Variants in SMR3A observed in about 807,000 individuals in gnomAD.
The protein encoded by SMR3A is submaxillary gland androgen-regulated protein 3A.
For missense variants in SMR3A, 188 were observed against 163.0 expected (o/e 1.15, Z -0.84); for synonymous variants, 48 against 57.4 (o/e 0.84, Z 0.74).
In SMR3A at chr4:70,366,879, C is replaced by T. The variant is rs1486028972; in HGVS notation, c.290C>T (p.Pro97Leu). ...ATTCAATCACACTCTCTTCCTCCTCCTTATGGCCCAGGTTATCCACAGCCA... is the reference window on the plus strand; with the variant it reads ...ATTCAATCACACTCTCTTCCTCCTCTTTATGGCCCAGGTTATCCACAGCCA... ...GRIQSHSLPP[P>L]YGPGYPQPPS... Residue 97 changes from proline (P) to leucine (L), a missense_variant, in exon 3 of 3, where the codon CCT (proline) becomes CTT (leucine). Physicochemically the swap from Pro to Leu is moderately conservative, Grantham distance 98 (BLOSUM62 -3). Coordinates refer to ENST00000226460, the MANE Select transcript of SMR3A (RefSeq NM_012390.4). The T allele has an allele frequency of 2.5e-6, 4 of 1,613,676 alleles. No individual in the cohort carries two copies. Among genetic ancestry groups the T allele is most frequent in the Non-Finnish European group, 3.4e-6 (4 of 1,179,806 alleles).
chr4:70,364,595 C>T (rs998761635), intron 2 of SMR3A, among the ~76,000 whole-genome samples: 4 of 151,894 alleles, frequency 2.6e-5, no homozygotes, highest in African/African-American at 9.7e-5. Flanking sequence ...TCAATGACTC[C>T]ATGGTTGTGT....
At chr4:70,362,054 T>G (rs1211884352) in intron 1 of SMR3A, 48 bp from the exon 2 acceptor site, 43 of 1,608,168 alleles carry the variant, frequency 2.7e-5, no homozygotes, top group Non-Finnish European at 3.7e-5. Context: ...AAATAGTACT[T>G]TTTAATAAAA....
Position 70,366,977 on chromosome 4 carries a change from C to G in SMR3A, c.388C>G (p.Pro130Ala). ...PVNSPTDPAL[P>A]TPAP ...AAATTCTCCAACTGATCCTGCCCTC[C>G]CTACTCCTGCACCCTAAATACAGAC... is the stretch of plus-strand genomic sequence containing the variant. The change falls in exon 3 of 3, where the codon CCT becomes GCT. Residue 130 changes from proline (P) to alanine (A), a missense_variant. Transcript: ENST00000226460. 1 of 1,613,076 alleles carries G rather than the reference C, an allele frequency of 6.2e-7. No homozygotes were observed. Among genetic ancestry groups the G allele is most frequent in the Non-Finnish European group, 8.5e-7 (1 of 1,179,408 alleles).
At chr4:70,362,566 T>C (rs1374561426) in intron 2 of SMR3A, among the ~76,000 whole-genome samples, 1 of 127,770 alleles carries the variant, frequency 7.8e-6, no homozygotes, top group Non-Finnish European at 1.6e-5. Context: ...GCCTGAATAA[T>C]AGGACCTGGG....
chr4:70,362,398 C>T (rs530373499), intron 2 of SMR3A, among the ~76,000 whole-genome samples: 5 of 151,880 alleles, frequency 3.3e-5, no homozygotes, highest in East Asian at 1.9e-4. Context: ...TAATATCAGA[C>T]TGCATTAAAC....
At chr4:70,366,318 T>C (rs1468675271) in intron 2 of SMR3A, among the ~76,000 whole-genome samples, 1 of 151,946 alleles carries the variant, frequency 6.6e-6, no homozygotes, top group Non-Finnish European at 1.5e-5. Flanking sequence ...AGCCCCTATT[T>C]TTTTTGCTGC....
Position 70,366,823 on chromosome 4 carries a change from A to G in SMR3A, c.234A>G (p.Pro78=), listed in dbSNP as rs1479993993. ...CCTATGGTCCAGGGAGAATCCCACC[A>G]TCCCCTCCTCCACCCTATGGTCCAG... ...SPPYGPGRIP[P]SPPPPYGPGR... Residue 78 remains proline (P), a synonymous_variant, in exon 3 of 3, where the codon CCA becomes CCG. Coordinates refer to ENST00000226460, the MANE Select transcript of SMR3A (RefSeq NM_012390.4). 4 of 1,613,334 alleles carry G rather than the reference A, an allele frequency of 2.5e-6. No individual in the cohort carries two copies. The highest frequency in any genetic ancestry group is 3.4e-6 in the Non-Finnish European group (4 of 1,179,724).
intron 1 of SMR3A, 21 bp downstream of exon 1, chr4:70,360,863 A>C (rs576283901): frequency 4.6e-5 from 7 of 151,954 alleles, no homozygotes; most frequent in Non-Finnish European, 1.0e-4. Context: ...GGAAATATTA[A>C]CTGAAGAAAT....
chr4:70,367,050 A>G lies in SMR3A; in HGVS notation c.*56A>G, dbSNP rs1732284664. 1 of 1,459,600 alleles carries G rather than the reference A, an allele frequency of 6.9e-7. No individual in the cohort carries two copies. The highest frequency in any genetic ancestry group is 1.4e-5 in the African/African-American group (1 of 71,420). The allele number at this position is 1,459,600 out of a possible 1,614,324, so 90.4% of individuals were successfully genotyped here. A position where few individuals can be genotyped will look rare whatever the true frequency, so the allele number is the denominator to read the frequency against. On this transcript the variant is annotated 3_prime_UTR_variant, in exon 3 of 3. Transcript: ENST00000226460. ...CACAAAAGACAACACTACCCTCGTA[A>G]CTACTGCTTCTACTACCCAAAAATA...
intron 2 of SMR3A, among the ~76,000 whole-genome samples, chr4:70,363,532 G>A (rs1202745530): frequency 1.3e-5 from 2 of 151,918 alleles, no homozygotes; most frequent in African/African-American, 2.4e-5. Flanking sequence ...AATTATGCAT[G>A]TCTTAGCTGG....
intron 1 of SMR3A, 30 bp from the exon 2 acceptor site, chr4:70,362,072 A>G (rs369694865): frequency 5.0e-6 from 8 of 1,610,240 alleles, no homozygotes; most frequent in Admixed American, 1.7e-5. Context: ...AAAAACAATC[A>G]TACTGATCAC....
At position 70,366,987 on chromosome 4, in the gene SMR3A, C is replaced by T. The variant is rs1732282904; in HGVS notation, c.398C>T (p.Ala133Val). The change falls in exon 3 of 3, where the codon GCA becomes GTA. Residue 133 changes from alanine (A) to valine (V), a missense_variant. Transcript: ENST00000226460. ...ACTGATCCTGCCCTCCCTACTCCTG[C>T]ACCCTAAATACAGACAACTGCAACA... Reference protein sequence around the residue: ...SPTDPALPTPAP With the variant: ...SPTDPALPTPVP 1.9e-6 allele frequency: 3 copies of T among 1,612,134 alleles called. No homozygotes were observed. The highest frequency in any genetic ancestry group is 2.5e-6 in the Non-Finnish European group (3 of 1,178,782).
At chr4:70,360,969 A>C (rs1349464396) in intron 1 of SMR3A, 127 bp downstream of exon 1, 1 of 151,908 alleles carries the variant, frequency 6.6e-6, no homozygotes, top group African/African-American at 2.4e-5. Context: ...GTCGTTAAAC[A>C]TATCAAATCT....
Position 70,366,850 on chromosome 4 carries a change from G to A in SMR3A, c.261G>A (p.Gly87=). ...PPSPPPPYGP[G]RIQSHSLPPP... ...CCCCTCCTCCACCCTATGGTCCAGG[G>A]AGAATTCAATCACACTCTCTTCCTC... is the stretch of plus-strand genomic sequence containing the variant. The change falls in exon 3 of 3, where the codon GGG becomes GGA. Residue 87 remains glycine, a synonymous_variant. Coordinates refer to ENST00000226460, the MANE Select transcript of SMR3A (RefSeq NM_012390.4). The A allele has an allele frequency of 5.0e-6, 8 of 1,613,370 alleles. No homozygotes were observed. Among genetic ancestry groups the A allele is most frequent in the Non-Finnish European group, 6.8e-6 (8 of 1,179,742 alleles).
In SMR3A at chr4:70,367,019, A is replaced by G. The variant is rs1162752620; in HGVS notation, c.*25A>G. 6 of 1,597,608 alleles carry G rather than the reference A, an allele frequency of 3.8e-6. No individual in the cohort carries two copies. In the African/African-American group the frequency reaches 6.7e-5, roughly 18 times the overall value. ...AATACAGACAACTGCAACAGGTGCC[A>G]CCACCCACAAAAGACAACACTACCC... On this transcript the variant is annotated 3_prime_UTR_variant, in exon 3 of 3. Coordinates refer to ENST00000226460, the MANE Select transcript of SMR3A (RefSeq NM_012390.4).
Position 70,366,972 on chromosome 4 carries a change from C to T in SMR3A, c.383C>T (p.Ala128Val). 2 of 1,613,172 alleles carry T rather than the reference C, an allele frequency of 1.2e-6. No individual in the cohort carries two copies. The highest frequency in any genetic ancestry group is 1.7e-6 in the Non-Finnish European group (2 of 1,179,482). Residue 128 changes from alanine (A) to valine (V), a missense_variant, in exon 3 of 3, where the codon GCC (alanine) becomes GTC (valine). Physicochemically the swap from Ala to Val is moderately conservative, Grantham distance 64. Coordinates refer to ENST00000226460, the MANE Select transcript of SMR3A (RefSeq NM_012390.4). Reference sequence around the variant, plus strand: ...CCTGTAAATTCTCCAACTGATCCTGCCCTCCCTACTCCTGCACCCTAAATA... The same window carrying T: ...CCTGTAAATTCTCCAACTGATCCTGTCCTCCCTACTCCTGCACCCTAAATA... ...FFPVNSPTDP[A>V]LPTPAP is the part of the protein sequence containing the mutation.
intron 2 of SMR3A, 65 bp downstream of exon 2, chr4:70,362,234 T>C: frequency 6.2e-7 from 1 of 1,607,220 alleles, no homozygotes; most frequent in Admixed American, 1.7e-5. Flanking sequence ...TTCAGATTTC[T>C]TTTTACATTA....
chr4:70,366,089 C>T (rs1476140347), intron 2 of SMR3A, among the ~76,000 whole-genome samples: 1 of 152,002 alleles, frequency 6.6e-6, no homozygotes, highest in Non-Finnish European at 1.5e-5. Context: ...TTCTATTGCT[C>T]AATAACAAAT....
chr4:70,366,958 T>A lies in SMR3A; in HGVS notation c.369T>A (p.Ser123=). The change falls in exon 3 of 3, where the codon TCT becomes TCA. Residue 123 remains serine (S), a synonymous_variant. Transcript: ENST00000226460. The part of the protein sequence containing the change: ...PPGPPFFPVN[S]PTDPALPTPA... ...GACCTCCATTTTTCCCTGTAAATTC[T>A]CCAACTGATCCTGCCCTCCCTACTC... 6.2e-7 allele frequency: 1 copy of A among 1,613,498 alleles called. No individual in the cohort carries two copies.
Sources: allele counts gnomAD v4.1 joint callset (sites outside exome capture counted in the v4.1 genomes callset), GRCh38; gene constraint gnomAD v4.1.1; transcripts MANE v1.5; gene names NCBI Gene and HGNC (gene_info 2026-07-23, HGNC 2026-07-21).